Variants in CDK5RAP2 observed in about 807,000 individuals in gnomAD.
The protein encoded by CDK5RAP2 is CDK5 regulatory subunit associated protein 2, also known as CDK5 regulatory subunit-associated protein 2.
In CDK5RAP2, 147 loss-of-function variants were observed where a neutral mutation model predicts 232.9. That is an observed-to-expected ratio of 0.63 (90% CI 0.55 to 0.72). CDK5RAP2 has a LOEUF of 0.72. Among genes scored for constraint, CDK5RAP2 ranks in the 30% least tolerant of loss-of-function variants. The pLI, the probability that CDK5RAP2 is intolerant of heterozygous loss-of-function variation, is 0.00. For synonymous variants in CDK5RAP2, 833 were observed against 833.7 expected (o/e 1.00, Z 0.01); for missense variants, 2,195 against 2,231.5 (o/e 0.98, Z 0.33).
At chr9:120,454,625 C>G (rs1386525379) in intron 20 of CDK5RAP2, among the ~76,000 whole-genome samples, 1 of 152,220 alleles carries the variant, frequency 6.6e-6, no homozygotes, top group East Asian at 1.9e-4. Context: ...ATAGTCCCAC[C>G]TCAAACACCC....
rs746447630 is a variant in CDK5RAP2, at chr9:120,527,947, T to C, written c.880-22A>G. On this transcript the variant is annotated intron_variant, in intron 9 of 37. Transcript: ENST00000349780. ...GTGCCTAAATTAGATTAGAAAAAGA[T>C]TCACTAAGTTGATGCGTTCCAACCA... 3 of 1,613,294 alleles carry C rather than the reference T, an allele frequency of 1.9e-6. No individual in the cohort carries two copies. In the South Asian group the frequency reaches 3.3e-5, roughly 18 times the overall value.
At chr9:120,457,327 C>T (rs993754958) in intron 20 of CDK5RAP2, among the ~76,000 whole-genome samples, 14 of 152,338 alleles carry the variant, frequency 9.2e-5, no homozygotes, top group African/African-American at 3.1e-4. Flanking sequence ...CCACTGCACT[C>T]TCCCTGGTTC....
intron 7 of CDK5RAP2, among the ~76,000 whole-genome samples, chr9:120,533,809 A>G (rs1165277943): frequency 6.7e-6 from 1 of 150,052 alleles, no homozygotes; most frequent in Non-Finnish European, 1.5e-5. Context: ...AAAAAAAAAA[A>G]AAAAAAAAAA....
At chr9:120,441,880 T>G (rs1219934202) in intron 23 of CDK5RAP2, among the ~76,000 whole-genome samples, 1 of 152,210 alleles carries the variant, frequency 6.6e-6, no homozygotes, top group African/African-American at 2.4e-5. Context: ...TTCTCCAGTA[T>G]CTAGCACAGG....
In CDK5RAP2 at chr9:120,533,283, T is replaced by C. The variant is rs369318106; in HGVS notation, c.662+3089A>G. Among the ~76,000 whole-genome samples, 168 of 152,226 alleles carry C rather than the reference T, an allele frequency of 1.1e-3. 4 individuals are homozygous for C. In the South Asian group the frequency reaches 0.034, roughly 31 times the overall value. On this transcript the variant is annotated intron_variant, in intron 7 of 37. Transcript: ENST00000349780. ...GCATTCCCAAGGCCACACTCAGTAG[T>C]TGGTTAAGGAATGAATCTATACTTC...
At position 120,491,446 on chromosome 9, in the gene CDK5RAP2, T is replaced by C. The variant is rs781314282; in HGVS notation, c.1343A>G (p.Asn448Ser). Reference protein sequence around the residue: ...DLRNEVEKLRNEVNEREKAME... With the variant: ...DLRNEVEKLRSEVNEREKAME... ...TGCTTTCTCTCTTTCATTCACTTCA[T>C]TGCGTAATTTTTCAACTTCATTTCT... is the stretch of plus-strand genomic sequence containing the variant. The change falls in exon 13 of 38, where the codon AAT (asparagine) becomes AGT (serine). Residue 448 changes from asparagine to serine, a missense_variant. By Grantham distance (46) the Asn-to-Ser change is conservative (BLOSUM62 1). Coordinates refer to ENST00000349780, the MANE Select transcript of CDK5RAP2 (RefSeq NM_018249.6). 1.9e-5 allele frequency: 31 copies of C among 1,611,740 alleles called. No homozygotes were observed. Among genetic ancestry groups the C allele is most frequent in the Admixed American group, 5.0e-5 (3 of 59,954 alleles).
At chr9:120,423,390 T>C (rs958161192) in intron 25 of CDK5RAP2, among the ~76,000 whole-genome samples, 1 of 152,218 alleles carries the variant, frequency 6.6e-6, no homozygotes, top group Non-Finnish European at 1.5e-5. Context: ...ATTTTAATTA[T>C]TTCTTTAGGA....
intron 12 of CDK5RAP2, chr9:120,517,695 A>G (rs1278287939): frequency 6.4e-6 from 1 of 155,122 alleles, no homozygotes; most frequent in East Asian, 1.9e-4. Flanking sequence ...CTGCAGAACA[A>G]TTTGAATATA....
At chr9:120,550,119 C>T (rs2041994845) in intron 4 of CDK5RAP2, among the ~76,000 whole-genome samples, 1 of 152,182 alleles carries the variant, frequency 6.6e-6, no homozygotes, top group African/African-American at 2.4e-5. Context: ...TTCAAGAAAG[C>T]CAAGTTCTTT....
At chr9:120,579,838 A>G in intron 1 of CDK5RAP2, 82 bp downstream of exon 1, 1 of 1,185,716 alleles carries the variant, frequency 8.4e-7, no homozygotes. Flanking sequence ...CTCAAGAGCA[A>G]ACCCCAAGGC....
intron 6 of CDK5RAP2, among the ~76,000 whole-genome samples, chr9:120,537,068 G>A (rs1383999586): frequency 1.3e-5 from 2 of 151,978 alleles, no homozygotes; most frequent in Non-Finnish European, 2.9e-5. Flanking sequence ...CAGTGTCTGT[G>A]TTAGGGAAAA....
intron 12 of CDK5RAP2, among the ~76,000 whole-genome samples, chr9:120,492,353 A>G (rs1315640881): frequency 2.0e-5 from 3 of 152,212 alleles, no homozygotes; most frequent in Non-Finnish European, 4.4e-5. Context: ...GCAGCAGCAG[A>G]GACCCAAGAG....
intron 17 of CDK5RAP2, among the ~76,000 whole-genome samples, chr9:120,468,605 C>T (rs1212190574): frequency 6.6e-6 from 1 of 152,234 alleles, no homozygotes; most frequent in Non-Finnish European, 1.5e-5. Context: ...TGTCTCTCTC[C>T]ATTTTACAAT....
chr9:120,560,900 A>G (rs2132126195), intron 3 of CDK5RAP2, among the ~76,000 whole-genome samples: 1 of 152,172 alleles, frequency 6.6e-6, no homozygotes, highest in African/African-American at 2.4e-5. Context: ...TACAGATGTG[A>G]GCCACCGCAC....
intron 20 of CDK5RAP2, 120 bp from the exon 21 acceptor site, chr9:120,453,993 A>C: frequency 9.9e-7 from 1 of 1,005,088 alleles, no homozygotes; most frequent in Non-Finnish European, 1.6e-6. Context: ...AACTAAATAC[A>C]GTGTGTACCC....
intron 12 of CDK5RAP2, among the ~76,000 whole-genome samples, chr9:120,499,252 G>A (rs1332737520): frequency 6.6e-6 from 1 of 152,210 alleles, no homozygotes; most frequent in Non-Finnish European, 1.5e-5. Flanking sequence ...AAAGGAGGGA[G>A]TGAGGGGGAG....
At chr9:120,513,379 C>T (rs2040182366) in intron 12 of CDK5RAP2, among the ~76,000 whole-genome samples, 1 of 152,196 alleles carries the variant, frequency 6.6e-6, no homozygotes. Flanking sequence ...CCCCTGCCTA[C>T]ACCTCAAGTC....
At chr9:120,497,447 AAAAAAAAG>A (rs1588490151) in intron 12 of CDK5RAP2, among the ~76,000 whole-genome samples, 1 of 89,200 alleles carries the variant, frequency 1.1e-5, no homozygotes, top group Non-Finnish European at 2.0e-5. Context: ...AAAAAAAAAA[AAAAAAAAG>A]AATCATCAAT....
chr9:120,558,245 C>T lies in CDK5RAP2; in HGVS notation c.196-7343G>A, dbSNP rs2042313633. 1.3e-5 allele frequency among the ~76,000 whole-genome samples: 2 copies of T among 148,690 alleles called. 1 individual carries two copies. The highest frequency in any genetic ancestry group is 4.2e-4 in the South Asian group (2 of 4,710). ...AAACTTAGCTGGGTGTACTGGTGTGCACCTGTAGTCCCAGCTACTCCGGAG... is the reference window on the plus strand; with the variant it reads ...AAACTTAGCTGGGTGTACTGGTGTGTACCTGTAGTCCCAGCTACTCCGGAG... On this transcript the variant is annotated intron_variant, in intron 3 of 37. Coordinates refer to ENST00000349780, the MANE Select transcript of CDK5RAP2 (RefSeq NM_018249.6).
Sources: allele counts gnomAD v4.1 joint callset (sites outside exome capture counted in the v4.1 genomes callset), GRCh38; gene constraint gnomAD v4.1.1; transcripts MANE v1.5; gene names NCBI Gene and HGNC (gene_info 2026-07-23, HGNC 2026-07-21).